The following ABCF2 variants were observed in gnomAD, a reference collection of about 807,000 sequenced individuals.
ABCF2 encodes ATP-binding cassette sub-family F member 2.
In ABCF2, 37 loss-of-function variants were observed where a neutral mutation model predicts 76.9. The observed-to-expected ratio is 0.48, with a 90% confidence interval of 0.37 to 0.63. ABCF2 has a LOEUF of 0.63. Ranked by LOEUF, ABCF2 falls within the 30% of genes least tolerant of loss-of-function variation. ABCF2 has a pLI of 0.00. For missense variants in ABCF2, 524 were observed against 782.1 expected (o/e 0.67, Z 3.94); for synonymous variants, 299 against 283.7 (o/e 1.05, Z -0.54).
At position 151,226,494 on chromosome 7, in the gene ABCF2, A is replaced by T; in HGVS notation, c.-36T>A. ...CACAGGGGTAGGTTACTGTTGTTTC[A>T]GGGAGCCTGAAGGAAGGCAAACAGA... On this transcript the variant is annotated 5_prime_UTR_variant, in exon 2 of 15. Coordinates refer to ENST00000287844, the MANE Select transcript of ABCF2 (RefSeq NM_007189.3). The T allele has an allele frequency of 6.2e-7, 1 of 1,602,584 alleles. No homozygotes were observed. Among genetic ancestry groups the T allele is most frequent in the Non-Finnish European group, 8.5e-7 (1 of 1,174,988 alleles).
chr7:151,224,210 A>AT (rs878980435), intron 3 of ABCF2, 96 bp from the exon 4 acceptor site: 129,652 of 913,902 alleles, frequency 0.14, 178 homozygotes, highest in South Asian at 0.16. Flanking sequence ...GACCTCATCC[A>AT]TTTTTTTTTT....
chr7:151,222,010 G>T (rs1411454646), intron 6 of ABCF2: 2 of 243,500 alleles, frequency 8.2e-6, no homozygotes, highest in Non-Finnish European at 1.6e-5. Context: ...ACTGTGGGTG[G>T]GAAGAACTGG....
Position 151,224,868 on chromosome 7 carries a change from G to C in ABCF2, c.275C>G (p.Ser92Ter). Residue 92 changes from serine to a stop codon, truncating the protein, a stop_gained, in exon 3 of 15, where the codon TCA becomes TGA. Transcript: ENST00000287844. LOFTEE classifies it high-confidence loss of function. The part of the protein sequence containing the change: ...NSTDVHIINL[S>*]LTFHGQELLS... ...CAGCTCTTGACCATGAAAGGTAAGTGAGAGGTTGATGATGTGAACATCAGT... is the reference window on the plus strand; with the variant it reads ...CAGCTCTTGACCATGAAAGGTAAGTCAGAGGTTGATGATGTGAACATCAGT... 1 of 1,614,218 alleles carries C rather than the reference G, an allele frequency of 6.2e-7. No homozygotes were observed. Among genetic ancestry groups the C allele is most frequent in the Non-Finnish European group, 8.5e-7 (1 of 1,180,032 alleles).
chr7:151,213,655 G>T lies in ABCF2; in HGVS notation c.*399C>A. 1 of 1,009,248 alleles carries T rather than the reference G, an allele frequency of 9.9e-7. No homozygotes were observed. The allele number at this position is 1,009,248 out of a possible 1,614,324, so 62.5% of individuals were successfully genotyped here. On this transcript the variant is annotated 3_prime_UTR_variant, in exon 15 of 15. Transcript: ENST00000287844. ...AAGCAAAAAGGAATCGGGGCGGTGGGCTGGGGGGTACTCCTCCAACATCAC... is the reference window on the plus strand; with the variant it reads ...AAGCAAAAAGGAATCGGGGCGGTGGTCTGGGGGGTACTCCTCCAACATCAC...
chr7:151,219,259 G>T, intron 7 of ABCF2, 100 bp from the exon 8 acceptor site: 1 of 1,001,402 alleles, frequency 1.0e-6, no homozygotes. Context: ...GCACTAACTT[G>T]GCCCTGGCTC....
chr7:151,213,789 TAACCAGCAAGGGGCTGGAGGGAAC>T lies in ABCF2; in HGVS notation c.*241_*264del. On this transcript the variant is annotated 3_prime_UTR_variant, in exon 15 of 15. Coordinates refer to ENST00000287844, the MANE Select transcript of ABCF2 (RefSeq NM_007189.3). The stretch of plus-strand genomic sequence containing the variant: ...TGACTGCATCACACTCAGAGTAAGA[TAACCAGCAAGGGGCTGGAGGGAAC>T]GGCCAGCCGAGTCCAGACATGGACA... The T allele has an allele frequency of 1.6e-6, 2 of 1,276,456 alleles. No homozygotes were observed. Among genetic ancestry groups the T allele is most frequent in the Non-Finnish European group, 2.0e-6 (2 of 1,010,620 alleles). The allele number at this position is 1,276,456 out of a possible 1,614,324, so 79.1% of individuals were successfully genotyped here.
chr7:151,226,264 G>C lies in ABCF2; in HGVS notation c.154+41C>G, dbSNP rs1396891139. 3.1e-6 allele frequency: 5 copies of C among 1,601,584 alleles called. No individual in the cohort carries two copies. In the African/African-American group the frequency reaches 5.4e-5, roughly 17 times the overall value. On this transcript the variant is annotated intron_variant, in intron 2 of 14. Transcript: ENST00000287844. The stretch of plus-strand genomic sequence containing the variant: ...CAACTCTGGCTGGGGCATGCATTAA[G>C]TCTTAGCAACCATCCCCAACTCACC...
Position 151,218,757 on chromosome 7 carries a change from A to T in ABCF2, c.1134T>A (p.Asp378Glu), listed in dbSNP as rs776602190. 6.2e-7 allele frequency: 1 copy of T among 1,613,028 alleles called. No homozygotes were observed. The highest frequency in any genetic ancestry group is 2.2e-5 in the East Asian group (1 of 44,790). The change falls in exon 9 of 15, where the codon GAT becomes GAA. Residue 378 changes from aspartate to glutamate, a missense_variant. Around this residue, in one of 2 missense-constraint regions of ABCF2, gnomAD observed 194 missense variants for 348.6 expected, o/e 0.56. Transcript: ENST00000287844. ...ASGLTERVVS[D>E]KTLSFYFPPC... ...ACCCCACCCAATCACACCCCACCTT[A>T]TCGCTCACGACCCTCTCTGTCAGTC...
At chr7:151,217,420 A>G (rs973658626) in intron 11 of ABCF2, among the ~76,000 whole-genome samples, 2 of 152,240 alleles carry the variant, frequency 1.3e-5, no homozygotes, top group Admixed American at 6.5e-5. Context: ...TCTATTTTTC[A>G]TCAATATTAA....
At position 151,224,716 on chromosome 7, in the gene ABCF2, C is replaced by T. The variant is rs1299223588; in HGVS notation, c.367+60G>A. ...GAACACAGTTGATGCTAAATAAATG[C>T]TTGTGAGTGACAGATGAGCTAAGGA... On this transcript the variant is annotated intron_variant, in intron 3 of 14. Coordinates refer to ENST00000287844, the MANE Select transcript of ABCF2 (RefSeq NM_007189.3). 3.2e-5 allele frequency: 47 copies of T among 1,467,992 alleles called. No individual in the cohort carries two copies. The Middle Eastern group carries it at 1.2e-3, about 39-fold the overall frequency. The allele number at this position is 1,467,992 out of a possible 1,614,324, so 90.9% of individuals were successfully genotyped here.
chr7:151,225,328 C>A (rs910779313), intron 2 of ABCF2, among the ~76,000 whole-genome samples: 1 of 152,160 alleles, frequency 6.6e-6, no homozygotes, highest in Admixed American at 6.5e-5. Flanking sequence ...GACTAATTCT[C>A]CTTTCCTCTT....
chr7:151,211,805 C>T lies in ABCF2; in HGVS notation c.*2249G>A, dbSNP rs892561462. On this transcript the variant is annotated 3_prime_UTR_variant, in exon 15 of 15. Transcript: ENST00000287844. ...CTGGGCCATTTTGCTCCAGGCCCCACTTAAGGCATAAAGCAGTCAAGCCAG... is the reference window on the plus strand; with the variant it reads ...CTGGGCCATTTTGCTCCAGGCCCCATTTAAGGCATAAAGCAGTCAAGCCAG... 1 of 985,436 alleles carries T rather than the reference C, an allele frequency of 1.0e-6. No homozygotes were observed. The highest frequency in any genetic ancestry group is 1.2e-6 in the Non-Finnish European group (1 of 829,940). 61.0% of individuals were successfully genotyped at this position (985,436 alleles called of 1,614,324 possible). A position where few individuals can be genotyped will look rare whatever the true frequency, so the allele number is the denominator to read the frequency against.
intron 5 of ABCF2, 131 bp downstream of exon 5, chr7:151,223,547 C>T: frequency 9.3e-7 from 1 of 1,080,420 alleles, no homozygotes; most frequent in Non-Finnish European, 1.3e-6. Flanking sequence ...CAACCCCCTC[C>T]ACACTGCAGA....
rs748116513 is a variant in ABCF2 at position 151,222,503 on chromosome 7, C to T, written c.818+18G>A. 2 of 1,606,986 alleles carry T rather than the reference C, an allele frequency of 1.2e-6. No individual in the cohort carries two copies. The highest frequency in any genetic ancestry group is 1.3e-5 in the African/African-American group (1 of 74,866). On this transcript the variant is annotated intron_variant, in intron 6 of 14. Coordinates refer to ENST00000287844, the MANE Select transcript of ABCF2 (RefSeq NM_007189.3). The stretch of plus-strand genomic sequence containing the variant: ...CTTTGGGACCTGCCCGCTCACATCC[C>T]CCATTCCACCCTCTTACGTTTTTAG...
At position 151,224,763 on chromosome 7, in the gene ABCF2, TC is replaced by T; in HGVS notation, c.367+12del. The T allele has an allele frequency of 1.9e-6, 3 of 1,612,832 alleles. No individual in the cohort carries two copies. Among genetic ancestry groups the T allele is most frequent in the Middle Eastern group, 1.7e-4 (1 of 6,060 alleles). ...AGGAGAGATACCTCCCACCTCCCCT[TC>T]CAAGGCCTCACCAATTCCATTTAAA... On this transcript the variant is annotated intron_variant, in intron 3 of 14. Coordinates refer to ENST00000287844, the MANE Select transcript of ABCF2 (RefSeq NM_007189.3).
rs932326329 is a variant in ABCF2 at position 151,215,521 on chromosome 7, G to C, written c.1530+83C>G. ...CTGGTTTGGACAGCTTCCAAACCCA[G>C]GCTGCCAGGACAGTATCCCCTGACC... On this transcript the variant is annotated intron_variant, in intron 13 of 14. Transcript: ENST00000287844. The surrounding 1 kb of genome is among the most constrained non-coding windows in gnomAD (Gnocchi z 4.6). The C allele has an allele frequency of 1.4e-5, 22 of 1,556,330 alleles. 1 individual carries two copies. The Admixed American group carries it at 3.5e-4, about 25-fold the overall frequency.
At chr7:151,218,733 C>A (rs758614030) in intron 9 of ABCF2, 21 bp downstream of exon 9, 11 of 1,613,280 alleles carry the variant, frequency 6.8e-6, no homozygotes, top group East Asian at 2.2e-5. Flanking sequence ...CCCAATCACA[C>A]CCCACCCAAT....
rs1802132818 is a variant in ABCF2 at position 151,215,545 on chromosome 7, C to A, written c.1530+59G>T. 6 of 1,603,696 alleles carry A rather than the reference C, an allele frequency of 3.7e-6. No individual in the cohort carries two copies. The highest frequency in any genetic ancestry group is 3.3e-5 in the Admixed American group (2 of 59,712). Reference sequence around the variant, plus strand: ...AGGCTGCCAGGACAGTATCCCCTGACCCACCCAGCCACAGTCTGCCAGCTA... The same window carrying A: ...AGGCTGCCAGGACAGTATCCCCTGAACCACCCAGCCACAGTCTGCCAGCTA... On this transcript the variant is annotated intron_variant, in intron 13 of 14. Transcript: ENST00000287844. The surrounding 1 kb of genome is among the most constrained non-coding windows in gnomAD (Gnocchi z 4.6).
chr7:151,219,329 C>A (rs778746059), intron 7 of ABCF2, among the ~76,000 whole-genome samples, 170 bp from the exon 8 acceptor site: 2 of 152,194 alleles, frequency 1.3e-5, no homozygotes, highest in African/African-American at 2.4e-5. Flanking sequence ...AACATCAAAT[C>A]GGAGTCTTTT....
Sources: gnomAD v4.1 joint callset for allele counts (sites outside exome capture counted in the v4.1 genomes callset) on GRCh38, gnomAD v4.1.1 for gene constraint, gnomAD v4.1.1 regional missense constraint, Gnocchi (gnomAD v3.1) non-coding constraint, MANE v1.5 for transcripts, NCBI Gene and HGNC (gene_info 2026-07-23, HGNC 2026-07-21) for gene names.